CEP112: variants seen among roughly 807,000 people sequenced by gnomAD.
CEP112 encodes the protein centrosomal protein 112, also known as centrosomal protein of 112 kDa.
In CEP112, 127 loss-of-function variants were observed where a neutral mutation model predicts 153.0. That is an observed-to-expected ratio of 0.83 (90% CI 0.72 to 0.96). CEP112 has a LOEUF of 0.96. Ranked by LOEUF, CEP112 falls within the 40% of genes least tolerant of loss-of-function variation. The pLI, the probability that CEP112 is intolerant of heterozygous loss-of-function variation, is 0.00. For missense variants in CEP112, 1,089 were observed against 1,101.2 expected (o/e 0.99, Z 0.16); for synonymous variants, 358 against 374.4 (o/e 0.96, Z 0.51).
intron 20 of CEP112, among the ~76,000 whole-genome samples, chr17:65,854,745 T>C (rs1313459860): frequency 6.6e-6 from 1 of 152,244 alleles, no homozygotes; most frequent in East Asian, 1.9e-4. Context: ...CTCTATTTCA[T>C]AGATTGATAT....
Position 65,699,161 on chromosome 17 carries a change from AT to A in CEP112, c.2608-9944del, listed in dbSNP as rs2048498629. 2.0e-5 allele frequency among the ~76,000 whole-genome samples: 3 copies of A among 152,232 alleles called. No individual in the cohort carries two copies. The South Asian group carries it at 6.2e-4, about 32-fold the overall frequency. On this transcript the variant is annotated intron_variant, in intron 23 of 26. Coordinates refer to ENST00000535342, the MANE Select transcript of CEP112 (RefSeq NM_001199165.4). Reference sequence around the variant, plus strand: ...GTGAATTTATCTAACTTCTTTTCTCATTTTAGGCTCTGAACTTCACCAGAGC... The same window carrying A: ...GTGAATTTATCTAACTTCTTTTCTCATTTAGGCTCTGAACTTCACCAGAGC...
intron 20 of CEP112, among the ~76,000 whole-genome samples, chr17:65,890,521 A>G (rs1303645892): frequency 6.6e-6 from 1 of 152,084 alleles, no homozygotes; most frequent in Admixed American, 6.6e-5. Flanking sequence ...CTTGGGATCA[A>G]AGCTTCATTA....
intron 23 of CEP112, among the ~76,000 whole-genome samples, chr17:65,737,635 G>C (rs1357130890): frequency 6.6e-6 from 1 of 152,214 alleles, no homozygotes; most frequent in African/African-American, 2.4e-5. Flanking sequence ...AGAACAGTCA[G>C]TTCAGCCAGA....
chr17:65,773,922 T>TA (rs1304901321), intron 21 of CEP112, among the ~76,000 whole-genome samples: 5 of 151,730 alleles, frequency 3.3e-5, no homozygotes, highest in Non-Finnish European at 5.9e-5. Flanking sequence ...CTGTCTCTAC[T>TA]AAAAAAATAC....
intron 24 of CEP112, among the ~76,000 whole-genome samples, chr17:65,661,399 A>C (rs557116729): frequency 6.6e-6 from 1 of 152,304 alleles, no homozygotes; most frequent in South Asian, 2.1e-4. Flanking sequence ...ATTTCATTTA[A>C]TCTTCTACGA....
intron 21 of CEP112, among the ~76,000 whole-genome samples, chr17:65,840,196 A>G (rs1484452205): frequency 6.6e-6 from 1 of 152,168 alleles, no homozygotes; most frequent in African/African-American, 2.4e-5. Context: ...GAAGACCCCA[A>G]ATAGCCAAAG....
At chr17:65,731,215 C>T (rs774408493) in intron 23 of CEP112, among the ~76,000 whole-genome samples, 5 of 151,980 alleles carry the variant, frequency 3.3e-5, no homozygotes, top group African/African-American at 7.3e-5. Flanking sequence ...AGGCATACCG[C>T]GGAGATACTC....
At chr17:65,919,760 C>A (rs1200023043) in intron 19 of CEP112, among the ~76,000 whole-genome samples, 1 of 152,194 alleles carries the variant, frequency 6.6e-6, no homozygotes, top group East Asian at 1.9e-4. Context: ...TGGAAACTTA[C>A]TTTCTCACAA....
intron 4 of CEP112, among the ~76,000 whole-genome samples, chr17:66,162,586 T>C (rs1039081961): frequency 6.6e-6 from 1 of 152,158 alleles, no homozygotes; most frequent in African/African-American, 2.4e-5. Context: ...ATACAATAAT[T>C]TTAAAAATCC....
chr17:65,970,915 G>T (rs929361694), intron 17 of CEP112, among the ~76,000 whole-genome samples: 1 of 82,670 alleles, frequency 1.2e-5, no homozygotes, highest in Non-Finnish European at 2.5e-5. Context: ...CATGTATGTT[G>T]CATGTATGCA....
intron 15 of CEP112, among the ~76,000 whole-genome samples, chr17:66,028,067 T>G (rs1382915671): frequency 1.3e-5 from 2 of 151,330 alleles, no homozygotes; most frequent in Admixed American, 6.6e-5. Context: ...TAAATAAAAT[T>G]TATTTTTAAA....
chr17:65,749,989 T>C (rs1367298434), intron 22 of CEP112, among the ~76,000 whole-genome samples: 3 of 152,208 alleles, frequency 2.0e-5, no homozygotes, highest in Non-Finnish European at 4.4e-5. Flanking sequence ...GAATCACTTA[T>C]ACAAGTAAGG....
At chr17:66,132,259 T>C (rs1198705165) in intron 5 of CEP112, among the ~76,000 whole-genome samples, 3 of 123,096 alleles carry the variant, frequency 2.4e-5, no homozygotes, top group Non-Finnish European at 3.2e-5. Flanking sequence ...GTTGAACAAA[T>C]AGATGCAAGA....
At chr17:66,126,056 G>A (rs2069835345) in intron 6 of CEP112, among the ~76,000 whole-genome samples, 1 of 152,158 alleles carries the variant, frequency 6.6e-6, no homozygotes, top group African/African-American at 2.4e-5. Context: ...GGTAGATAAA[G>A]GGATTTAAAT....
At chr17:66,031,402 T>C (rs1456914309) in intron 12 of CEP112, among the ~76,000 whole-genome samples, 1 of 152,102 alleles carries the variant, frequency 6.6e-6, no homozygotes, top group Non-Finnish European at 1.5e-5. Context: ...ATTCTATTAT[T>C]GGCAATAAAA....
intron 6 of CEP112, among the ~76,000 whole-genome samples, chr17:66,098,642 A>G: frequency 6.6e-6 from 1 of 152,260 alleles, no homozygotes; most frequent in East Asian, 1.9e-4. Flanking sequence ...TCTAGGTTAA[A>G]GGAAATACAC....
rs112916951 is a variant in CEP112, at chr17:66,132,802, T to C, written c.471-39A>G. The C allele has an allele frequency of 1.3e-5, 16 of 1,269,690 alleles. No homozygotes were observed. The African/African-American group carries it at 1.5e-4, about 12-fold the overall frequency. The allele number at this position is 1,269,690 out of a possible 1,614,324, so 78.7% of individuals were successfully genotyped here. A position where few individuals can be genotyped will look rare whatever the true frequency, so the allele number is the denominator to read the frequency against. ...ATAATCGCAATCACAATTTGGAGAATTCAGAGGACACAGAGTATTAGAATC... is the reference window on the plus strand; with the variant it reads ...ATAATCGCAATCACAATTTGGAGAACTCAGAGGACACAGAGTATTAGAATC... On this transcript the variant is annotated intron_variant, in intron 4 of 26. Coordinates refer to ENST00000535342, the MANE Select transcript of CEP112 (RefSeq NM_001199165.4).
chr17:66,150,981 T>C (rs1324434724), intron 4 of CEP112, among the ~76,000 whole-genome samples: 1 of 152,198 alleles, frequency 6.6e-6, no homozygotes, highest in East Asian at 1.9e-4. Flanking sequence ...GAAAGTCTAT[T>C]TTATCTGATA....
chr17:65,973,832 C>G (rs183027008), intron 17 of CEP112, among the ~76,000 whole-genome samples: 292 of 152,194 alleles, frequency 1.9e-3, no homozygotes, highest in African/African-American at 7.0e-3. Context: ...TTGGTAGTTT[C>G]ATGAGTATGT....
Sources: gnomAD v4.1 joint callset for allele counts (sites outside exome capture counted in the v4.1 genomes callset) on GRCh38, gnomAD v4.1.1 for gene constraint, MANE v1.5 for transcripts, NCBI Gene and HGNC (gene_info 2026-07-23, HGNC 2026-07-21) for gene names.